CCDC171: variants seen among roughly 807,000 people sequenced by gnomAD.
The protein encoded by CCDC171 is coiled-coil domain containing 171.
In CCDC171, 177 loss-of-function variants were observed where a neutral mutation model predicts 168.2. The observed-to-expected ratio is 1.05, with a 90% confidence interval of 0.93 to 1.19. The LOEUF (loss-of-function observed/expected upper bound fraction) is 1.19, where lower values mean the gene tolerates loss of function less well. CCDC171 is among the 50% of genes most tolerant of loss of function. The probability of loss-of-function intolerance (pLI) is 0.00; values close to 1 mark genes in which losing one functional copy is unlikely to be tolerated. For missense variants in CCDC171, 1,991 were observed against 1,539.0 expected, an observed-to-expected ratio of 1.29 and a Z score of -4.91; for synonymous variants, 687 against 540.8, an observed-to-expected ratio of 1.27 and a Z score of -3.75.
chr9:15,887,411 A>C (rs1219130737), intron 24 of CCDC171, among the ~76,000 whole-genome samples: 1 of 152,150 alleles, frequency 6.6e-6, no homozygotes, highest in East Asian at 1.9e-4. Context: ...AAAGTCTCAT[A>C]GTGCTGACTA....
Position 15,785,288 on chromosome 9 carries a change from A to G in CCDC171, c.3267+594A>G, listed in dbSNP as rs891262627. On this transcript the variant is annotated intron_variant, in intron 21 of 25. Transcript: ENST00000380701. The stretch of plus-strand genomic sequence containing the variant: ...TATAATAGAATTCTAGTTTTTGATT[A>G]TAAAACTTGTGGATTTTTCACTAGT... Among the ~76,000 whole-genome samples the G allele has an allele frequency of 7.5e-4, 114 of 152,290 alleles. 1 individual carries two copies. Among genetic ancestry groups the G allele is most frequent in the African/African-American group, 2.5e-3 (105 of 41,584 alleles).
At chr9:15,727,117 A>G (rs957269271) in intron 14 of CCDC171, among the ~76,000 whole-genome samples, 1 of 152,188 alleles carries the variant, frequency 6.6e-6, no homozygotes, top group East Asian at 1.9e-4. Flanking sequence ...TTCTAATTGG[A>G]CATTTTCGAA....
chr9:15,874,534 C>G lies in CCDC171; in HGVS notation c.3471C>G (p.Val1157=). Residue 1157 remains valine, a splice_region_variant and synonymous_variant, in exon 24 of 26, where the codon GTC becomes GTG. Transcript: ENST00000380701. ...TGATGCTGTTTTTTTCCCTTTAGGTCAGAGATCAGATCTCGCTGTCATGGT... is the reference window on the plus strand; with the variant it reads ...TGATGCTGTTTTTTTCCCTTTAGGTGAGAGATCAGATCTCGCTGTCATGGT... The part of the protein sequence containing the change: ...MRAVENTLHK[V]RDQISLSWSA... 4.4e-6 allele frequency: 7 copies of G among 1,595,204 alleles called. No individual in the cohort carries two copies. The highest frequency in any genetic ancestry group is 6.0e-6 in the Non-Finnish European group (7 of 1,171,506).
In CCDC171 at chr9:15,666,329, T is replaced by C. The variant is rs1232010754; in HGVS notation, c.1076+6T>C. On this transcript the variant is annotated splice_donor_region_variant and intron_variant, in intron 9 of 25. Transcript: ENST00000380701. ...AGCTTTGCAAAACTAAATTTGTAAG[T>C]ATTCTATTGTAAAATTCTCTAAATT... 1 of 1,587,830 alleles carries C rather than the reference T, an allele frequency of 6.3e-7. No individual in the cohort carries two copies. Among genetic ancestry groups the C allele is most frequent in the African/African-American group, 1.4e-5 (1 of 73,988 alleles).
intron 11 of CCDC171, among the ~76,000 whole-genome samples, chr9:15,709,354 A>T (rs978488334): frequency 3.3e-5 from 5 of 152,194 alleles, no homozygotes; most frequent in African/African-American, 1.2e-4. Flanking sequence ...TACAATTAAC[A>T]TTTTAGATTG....
chr9:15,629,147 G>A (rs944281276), intron 7 of CCDC171, among the ~76,000 whole-genome samples: 28 of 152,162 alleles, frequency 1.8e-4, no homozygotes, highest in Non-Finnish European at 3.7e-4. Context: ...AAGGAATGCA[G>A]TTCCTCACCA....
intron 18 of CCDC171, among the ~76,000 whole-genome samples, chr9:15,756,685 G>A (rs535189900): frequency 1.3e-4 from 20 of 152,272 alleles, no homozygotes; most frequent in African/African-American, 3.9e-4. Context: ...GCTAATAATG[G>A]TTTGGCTCTA....
downstream of CCDC171, among the ~76,000 whole-genome samples, chr9:16,062,184 AAAAAC>A (rs537301311): frequency 4.6e-5 from 7 of 152,190 alleles, no homozygotes; most frequent in Non-Finnish European, 1.0e-4. Context: ...AAACAAACAA[AAAAAC>A]AAAACAAACA....
At chr9:15,861,676 TTACTA>T (rs2061565428) in intron 23 of CCDC171, among the ~76,000 whole-genome samples, 2 of 109,900 alleles carry the variant, frequency 1.8e-5, no homozygotes, top group East Asian at 5.8e-4. Context: ...ATGTCACAAT[TTACTA>T]TATGGTGTAT....
chr9:16,011,647 A>C (rs1160851235), intron 3 of CCDC171, among the ~76,000 whole-genome samples: 1 of 152,104 alleles, frequency 6.6e-6, no homozygotes, highest in African/African-American at 2.4e-5. Flanking sequence ...AAATGTATCC[A>C]TTCCTTTGTC....
intron 18 of CCDC171, among the ~76,000 whole-genome samples, chr9:15,757,593 G>C (rs2056200102): frequency 3.9e-5 from 6 of 152,194 alleles, no homozygotes; most frequent in Admixed American, 3.9e-4. Context: ...GCGGAAATTT[G>C]CTTAAGTAAC....
At chr9:15,676,472 G>A (rs959684027) in intron 9 of CCDC171, among the ~76,000 whole-genome samples, 16 of 151,774 alleles carry the variant, frequency 1.1e-4, no homozygotes, top group African/African-American at 2.2e-4. Flanking sequence ...CATCTTCTGC[G>A]TTGATCTCTG....
intron 24 of CCDC171, 117 bp from the exon 25 acceptor site, chr9:15,920,153 G>T: frequency 1.8e-6 from 1 of 559,788 alleles, no homozygotes; most frequent in Non-Finnish European, 2.9e-6. Context: ...TTATTTTAAA[G>T]AAAGATGAAA....
At chr9:16,032,242 GC>G (rs1833375877) in intron 6 of CCDC171, among the ~76,000 whole-genome samples, 1 of 152,138 alleles carries the variant, frequency 6.6e-6, no homozygotes, top group Non-Finnish European at 1.5e-5. Context: ...GCAGAGGAAT[GC>G]ATTTTAGAAA....
At chr9:15,610,272 T>C (rs2043553352) in intron 6 of CCDC171, among the ~76,000 whole-genome samples, 1 of 150,496 alleles carries the variant, frequency 6.6e-6, no homozygotes. Flanking sequence ...CTGCAAAGGC[T>C]GGAAATGCAG....
chr9:15,669,253 AT>A (rs1189053834), intron 9 of CCDC171, among the ~76,000 whole-genome samples: 1 of 152,254 alleles, frequency 6.6e-6, no homozygotes, highest in East Asian at 1.9e-4. Flanking sequence ...CTTAGAATAA[AT>A]TTTTTTCCAT....
chr9:15,958,617 C>G (rs1209984253), intron 25 of CCDC171, among the ~76,000 whole-genome samples: 1 of 151,072 alleles, frequency 6.6e-6, no homozygotes, highest in Non-Finnish European at 1.5e-5. Context: ...CTGAGGTAAG[C>G]TTTGACTAAC....
At chr9:15,873,474 T>C (rs568074560) in intron 23 of CCDC171, among the ~76,000 whole-genome samples, 1 of 152,212 alleles carries the variant, frequency 6.6e-6, no homozygotes, top group African/African-American at 2.4e-5. Flanking sequence ...AAAAAACTTT[T>C]TGTTCTGTGG....
intron 6 of CCDC171, among the ~76,000 whole-genome samples, chr9:15,599,606 T>G (rs1004190289): frequency 6.6e-6 from 1 of 152,200 alleles, no homozygotes; most frequent in Non-Finnish European, 1.5e-5. Context: ...TCAACTTTGG[T>G]GAATCTGACA....
Sources: allele counts gnomAD v4.1 joint callset (sites outside exome capture counted in the v4.1 genomes callset), GRCh38; gene constraint gnomAD v4.1.1; transcripts MANE v1.5; gene names NCBI Gene and HGNC (gene_info 2026-07-23, HGNC 2026-07-21).